The following CCDC141 variants were observed in gnomAD, a reference collection of about 807,000 sequenced individuals.
CCDC141 encodes coiled-coil domain-containing protein 141.
Under a neutral mutation model 181.0 loss-of-function variants are expected in CCDC141, and 168 were observed. The observed-to-expected ratio is 0.93, with a 90% CI of 0.82 to 1.05. The LOEUF is 1.05. CCDC141 is among the 50% of genes least tolerant of loss of function. The pLI is 0.00. For synonymous variants in CCDC141, 666 were observed against 642.3 expected (o/e 1.04, Z -0.56); for missense variants, 1,902 against 1,788.5 (o/e 1.06, Z -1.14).
chr2:178,831,394 A>C lies in CCDC141; in HGVS notation c.*2779T>G, dbSNP rs1215207022. ...AAAACGTTTTCTGGTGAAAATCTTGAGTTTAATTTTCACCAGAAAACCTGC... is the reference window on the plus strand; with the variant it reads ...AAAACGTTTTCTGGTGAAAATCTTGCGTTTAATTTTCACCAGAAAACCTGC... On this transcript the variant is annotated 3_prime_UTR_variant, in exon 24 of 24. Transcript: ENST00000443758. 1 of 152,192 alleles carries C rather than the reference A, an allele frequency of 6.6e-6. No individual in the cohort carries two copies. Among genetic ancestry groups the C allele is most frequent in the African/African-American group, 2.4e-5 (1 of 41,448 alleles). 9.4% of individuals were successfully genotyped at this position (152,192 alleles called of 1,614,324 possible).
Position 178,868,198 on chromosome 2 carries a change from C to T in CCDC141, c.2402G>A (p.Arg801His), listed in dbSNP as rs372583176. The T allele has an allele frequency of 1.2e-4, 197 of 1,606,628 alleles. No homozygotes were observed. The highest frequency in any genetic ancestry group is 6.9e-4 in the East Asian group (31 of 44,640). Residue 801 changes from arginine (R) to histidine (H), a missense_variant, in exon 16 of 24, where the codon CGT (arginine) becomes CAT (histidine). By Grantham distance (29) the Arg-to-His change is conservative. Transcript: ENST00000443758. ...QFHQVKEELG[R>H]LIKSRELEFV... is the part of the protein sequence containing the mutation. Reference sequence around the variant, plus strand: ...CTCCAGCTCTCTTGATTTGATGAGACGTCCCAGCTACAATTTAGGGCATTA... The same window carrying T: ...CTCCAGCTCTCTTGATTTGATGAGATGTCCCAGCTACAATTTAGGGCATTA...
At chr2:178,821,106 A>G in the CCDC141 span, among the ~76,000 whole-genome samples, 2 of 138,044 alleles carry the variant, frequency 1.4e-5, no homozygotes, top group Admixed American at 7.4e-5. Context: ...TCAACTAGCT[A>G]TATTCCCAGT....
At position 178,943,211 on chromosome 2, in the gene CCDC141, G is replaced by T. The variant is rs552268992; in HGVS notation, c.897+1324C>A. Among the ~76,000 whole-genome samples the T allele has an allele frequency of 2.0e-5, 3 of 152,210 alleles. No homozygotes were observed. The East Asian group carries it at 5.8e-4, about 29-fold the overall frequency. On this transcript the variant is annotated intron_variant, in intron 6 of 23. Coordinates refer to ENST00000443758, the MANE Select transcript of CCDC141 (RefSeq NM_173648.4). ...ATAAAACTTGAGTTTGATACAAACA[G>T]AATAAATTGCCATATAATTCAATGA...
At position 178,868,094 on chromosome 2, in the gene CCDC141, G is replaced by A. The variant is rs768543357; in HGVS notation, c.2506C>T (p.Arg836Cys). The change falls in exon 16 of 24, where the codon CGT (arginine) becomes TGT (cysteine). Residue 836 changes from arginine to cysteine, a missense_variant. By Grantham distance (180) the Arg-to-Cys change is radical. Transcript: ENST00000443758. The part of the protein sequence containing the change: ...HLRCSQEKQA[R>C]VDHLHRLALS... ...GCCAGTCTGTGGAGATGGTCTACAC[G>A]GGCTTGCTTTTCCTGAGAGCACCGG... 1.5e-5 allele frequency: 24 copies of A among 1,613,872 alleles called. 1 individual carries two copies. The highest frequency in any genetic ancestry group is 2.2e-5 in the South Asian group (2 of 91,082).
At chr2:178,994,448 G>A (rs113298144) in intron 2 of CCDC141, among the ~76,000 whole-genome samples, 2,223 of 152,280 alleles carry the variant, frequency 0.015, 54 homozygotes, top group African/African-American at 0.051. Flanking sequence ...CGGTTGCAGG[G>A]CACCAAGTCC....
At position 178,878,370 on chromosome 2, in the gene CCDC141, C is replaced by T. The variant is rs1032018376; in HGVS notation, c.1720-227G>A. 1.5e-4 allele frequency among the ~76,000 whole-genome samples: 22 copies of T among 151,530 alleles called. 1 individual carries two copies. Among genetic ancestry groups the T allele is most frequent in the Admixed American group, 1.2e-3 (18 of 15,226 alleles). On this transcript the variant is annotated intron_variant, in intron 11 of 23. Coordinates refer to ENST00000443758, the MANE Select transcript of CCDC141 (RefSeq NM_173648.4). ...CTGGAGTGCAGTGGCACCACCATAG[C>T]GCACTGCAGCCCCAAACTCTTGGGG... is the stretch of plus-strand genomic sequence containing the variant.
At chr2:178,901,089 T>C (rs1291564568) in intron 8 of CCDC141, among the ~76,000 whole-genome samples, 1 of 152,062 alleles carries the variant, frequency 6.6e-6, no homozygotes, top group East Asian at 1.9e-4. Context: ...GGGTACCAGA[T>C]AGGAAGGAGT....
At chr2:179,015,085 T>TACAC (rs1553502718) in intron 2 of CCDC141, among the ~76,000 whole-genome samples, 1 of 40,910 alleles carries the variant, frequency 2.4e-5, no homozygotes, top group African/African-American at 6.9e-5. Context: ...TATATATATA[T>TACAC]ATATATATAT....
chr2:178,943,754 A>G (rs1384802150), intron 6 of CCDC141, among the ~76,000 whole-genome samples: 2 of 152,152 alleles, frequency 1.3e-5, no homozygotes, highest in Non-Finnish European at 2.9e-5. Context: ...GAAAGTATTT[A>G]CAGACCCCCA....
chr2:178,912,818 C>T (rs901407356), intron 7 of CCDC141, among the ~76,000 whole-genome samples: 1 of 152,202 alleles, frequency 6.6e-6, no homozygotes, highest in Admixed American at 6.5e-5. Context: ...ACCCTACATT[C>T]CTGGCGAATT....
intron 4 of CCDC141, among the ~76,000 whole-genome samples, chr2:178,971,443 A>G (rs1297607998): frequency 2.6e-5 from 4 of 152,230 alleles, no homozygotes; most frequent in Non-Finnish European, 5.9e-5. Context: ...AAGGATGTGG[A>G]GAAATAGGGA....
intron 8 of CCDC141, among the ~76,000 whole-genome samples, chr2:178,902,784 C>T (rs541966499): frequency 6.7e-6 from 1 of 149,732 alleles, no homozygotes; most frequent in African/African-American, 2.4e-5. Context: ...AGAGCTTCTG[C>T]ACAGCAAAAG....
chr2:178,821,885 G>C, the CCDC141 span, among the ~76,000 whole-genome samples: 3 of 152,152 alleles, frequency 2.0e-5, no homozygotes, highest in Admixed American at 6.5e-5. Flanking sequence ...AATACCATTT[G>C]ACCCAGCCAT....
intron 6 of CCDC141, among the ~76,000 whole-genome samples, chr2:178,942,104 G>C (rs1689549466): frequency 6.6e-6 from 1 of 151,856 alleles, no homozygotes; most frequent in African/African-American, 2.4e-5. Flanking sequence ...TGAGTACATG[G>C]GGCAATACTC....
In CCDC141 at chr2:179,015,097, T is replaced by TATATAC. The variant is rs2042411240; in HGVS notation, c.225+32186_225+32187insGTATAT. Among the ~76,000 whole-genome samples the TATATAC allele has an allele frequency of 1.9e-4, 8 of 42,460 alleles. No homozygotes were observed. In the East Asian group the frequency reaches 8.9e-3, roughly 47 times the overall value. The allele number at this position is 42,460 out of a possible 152,430, so 27.9% of individuals were successfully genotyped here. On this transcript the variant is annotated intron_variant, in intron 2 of 23. Transcript: ENST00000443758. ...ATATATATATATATATATATATATA[T>TATATAC]ATATATAATATATATATAATCATAT... is the stretch of plus-strand genomic sequence containing the variant.
At chr2:178,967,533 G>A (rs1448752431) in intron 4 of CCDC141, among the ~76,000 whole-genome samples, 1 of 152,102 alleles carries the variant, frequency 6.6e-6, no homozygotes, top group Non-Finnish European at 1.5e-5. Flanking sequence ...TATAGACAAG[G>A]AAATGCTGAG....
chr2:179,049,710 G>T, intron 1 of CCDC141, 130 bp downstream of exon 1: 2 of 879,834 alleles, frequency 2.3e-6, no homozygotes, highest in Non-Finnish European at 3.4e-6. Context: ...ATTTTAGAAA[G>T]CAGTAAGAGT....
the CCDC141 span, among the ~76,000 whole-genome samples, chr2:178,819,208 C>CCTACACAA: frequency 6.6e-6 from 1 of 152,096 alleles, no homozygotes; most frequent in Non-Finnish European, 1.5e-5. Context: ...AAAATGATAA[C>CCTACACAA]CTACACAACT....
chr2:178,977,883 T>A (rs1395069148), intron 3 of CCDC141, among the ~76,000 whole-genome samples: 25 of 152,182 alleles, frequency 1.6e-4, no homozygotes, highest in Non-Finnish European at 2.9e-5. Context: ...CTCAAAAAAT[T>A]GTAGAATTCG....
Sources: allele counts gnomAD v4.1 joint callset (sites outside exome capture counted in the v4.1 genomes callset), GRCh38; gene constraint gnomAD v4.1.1; transcripts MANE v1.5; gene names NCBI Gene and HGNC (gene_info 2026-07-23, HGNC 2026-07-21).